The following MARCHF3 variants were observed in gnomAD, a reference collection of about 807,000 sequenced individuals.
The protein encoded by MARCHF3 is membrane associated ring-CH-type finger 3, also known as E3 ubiquitin-protein ligase MARCHF3.
In MARCHF3, 13 loss-of-function variants were observed where a neutral mutation model predicts 24.2. The observed-to-expected ratio is 0.54, with a 90% CI of 0.35 to 0.85. The LOEUF is 0.85. Among genes scored for constraint, MARCHF3 ranks in the 40% least tolerant of loss-of-function variants. The pLI, the probability that MARCHF3 is intolerant of heterozygous loss-of-function variation, is 0.01. For synonymous variants in MARCHF3, 144 were observed against 137.3 expected, an observed-to-expected ratio of 1.05 and a Z score of -0.34; for missense variants, 276 against 325.0, an observed-to-expected ratio of 0.85 and a Z score of 1.16.
intron 3 of MARCHF3, among the ~76,000 whole-genome samples, chr5:126,895,972 G>A (rs893645478): frequency 1.5e-4 from 23 of 152,234 alleles, no homozygotes; most frequent in African/African-American, 5.3e-4. Flanking sequence ...AGAATCCGTG[G>A]GTGTAGGACC....
At chr5:126,877,548 A>G (rs965552841) in intron 4 of MARCHF3, among the ~76,000 whole-genome samples, 1 of 152,236 alleles carries the variant, frequency 6.6e-6, no homozygotes, top group Non-Finnish European at 1.5e-5. Flanking sequence ...GAAAAAAGTG[A>G]TATGTAAAAA....
chr5:126,914,881 T>C (rs1378717115), intron 3 of MARCHF3, 49 bp downstream of exon 3: 2 of 1,587,204 alleles, frequency 1.3e-6, no homozygotes, highest in African/African-American at 1.4e-5. Flanking sequence ...AAAACAGACA[T>C]CATTTGCTCA....
chr5:126,940,945 C>T (rs2126809551), intron 1 of MARCHF3, among the ~76,000 whole-genome samples: 1 of 152,218 alleles, frequency 6.6e-6, no homozygotes. Flanking sequence ...GTGTTATAAA[C>T]AACCCACTTA....
At chr5:127,007,879 T>C (rs990558919) in intron 1 of MARCHF3, among the ~76,000 whole-genome samples, 14 of 152,172 alleles carry the variant, frequency 9.2e-5, no homozygotes, top group African/African-American at 2.4e-4. Context: ...TTAATACATA[T>C]AAATATATGG....
chr5:126,901,658 T>A (rs1180617827), intron 3 of MARCHF3, among the ~76,000 whole-genome samples: 1 of 152,148 alleles, frequency 6.6e-6, no homozygotes, highest in Non-Finnish European at 1.5e-5. Flanking sequence ...AAACTGAAGA[T>A]GCTTGTGGAG....
intron 2 of MARCHF3, among the ~76,000 whole-genome samples, chr5:126,915,767 A>G (rs1252417638): frequency 2.6e-5 from 4 of 152,224 alleles, no homozygotes; most frequent in Non-Finnish European, 4.4e-5. Flanking sequence ...AGGTAGCCTC[A>G]GTCTAGAGTT....
intron 1 of MARCHF3, among the ~76,000 whole-genome samples, chr5:126,954,963 T>A (rs1249431980): frequency 6.6e-6 from 1 of 152,182 alleles, no homozygotes; most frequent in African/African-American, 2.4e-5. Flanking sequence ...ATATTTTTAC[T>A]ACACATAGGC....
chr5:127,019,753 G>C (rs542095862), intron 1 of MARCHF3, among the ~76,000 whole-genome samples: 4 of 152,132 alleles, frequency 2.6e-5, no homozygotes, highest in Non-Finnish European at 5.9e-5. Flanking sequence ...CTTACTTTTC[G>C]CATGAGATAA....
At chr5:127,012,218 G>A (rs1752495762) in intron 1 of MARCHF3, among the ~76,000 whole-genome samples, 1 of 152,126 alleles carries the variant, frequency 6.6e-6, no homozygotes. Flanking sequence ...GCCATGAAAT[G>A]TTTCAAATGA....
chr5:126,955,284 T>A (rs1361354130), intron 1 of MARCHF3, among the ~76,000 whole-genome samples: 4 of 152,202 alleles, frequency 2.6e-5, no homozygotes, highest in African/African-American at 9.6e-5. Flanking sequence ...GGTCTCATCA[T>A]GACAAAAAAA....
chr5:127,023,482 G>A (rs916266635), intron 1 of MARCHF3, among the ~76,000 whole-genome samples: 1 of 152,150 alleles, frequency 6.6e-6, no homozygotes, highest in Non-Finnish European at 1.5e-5. Context: ...TGTAACCCCA[G>A]CACTTTGGGA....
chr5:126,906,214 T>G (rs527802127), intron 3 of MARCHF3, among the ~76,000 whole-genome samples: 1 of 151,732 alleles, frequency 6.6e-6, no homozygotes, highest in African/African-American at 2.4e-5. Context: ...TGGATTCGGT[T>G]TGCCAGTATT....
intron 3 of MARCHF3, among the ~76,000 whole-genome samples, chr5:126,881,411 G>GT (rs1357673824): frequency 6.6e-6 from 1 of 152,082 alleles, no homozygotes; most frequent in Non-Finnish European, 1.5e-5. Flanking sequence ...CTTGGCCATG[G>GT]TAAGAGCTAC....
At chr5:127,023,249 G>A (rs141282810) in intron 1 of MARCHF3, among the ~76,000 whole-genome samples, 163 of 152,226 alleles carry the variant, frequency 1.1e-3, no homozygotes, top group African/African-American at 3.9e-3. Context: ...TTGGTCCTGA[G>A]GAATCCATGT....
At chr5:126,942,821 C>A (rs1009740316) in intron 1 of MARCHF3, among the ~76,000 whole-genome samples, 7 of 152,190 alleles carry the variant, frequency 4.6e-5, no homozygotes, top group Non-Finnish European at 1.0e-4. Context: ...AGAAATGCCA[C>A]TTACTAAAAC....
At chr5:126,870,872 A>C in intron 4 of MARCHF3, 81 bp from the exon 5 acceptor site, 44 of 1,551,884 alleles carry the variant, frequency 2.8e-5, no homozygotes, top group Middle Eastern at 1.7e-4. Context: ...CAAATATGTC[A>C]TTTGAAAGAG....
At chr5:126,972,245 TAAAA>T (rs747060453) in intron 1 of MARCHF3, among the ~76,000 whole-genome samples, 1 of 58,682 alleles carries the variant, frequency 1.7e-5, no homozygotes. Context: ...ATTAAAGAAC[TAAAA>T]AAAAAAAAAA....
intron 1 of MARCHF3, among the ~76,000 whole-genome samples, chr5:127,012,196 G>A (rs1752495111): frequency 6.6e-6 from 1 of 152,118 alleles, no homozygotes; most frequent in South Asian, 2.1e-4. Context: ...TTTATATTTA[G>A]CACAAAATGT....
At position 126,873,441 on chromosome 5, in the gene MARCHF3, T is replaced by C. The variant is rs556587136; in HGVS notation, c.604-2650A>G. On this transcript the variant is annotated intron_variant, in intron 4 of 4. Coordinates refer to ENST00000308660, the MANE Select transcript of MARCHF3 (RefSeq NM_178450.5). ...AAAAAAAAAGAGAGACAGAGACAGA[T>C]TGGGCTATTTCCTTTAAGGCTCTGC... Among the ~76,000 whole-genome samples, 15 of 150,416 alleles carry C rather than the reference T, an allele frequency of 1.0e-4. No homozygotes were observed. The East Asian group carries it at 2.3e-3, about 23-fold the overall frequency.
Sources: allele counts gnomAD v4.1 joint callset (sites outside exome capture counted in the v4.1 genomes callset), GRCh38; gene constraint gnomAD v4.1.1; transcripts MANE v1.5; gene names NCBI Gene and HGNC (gene_info 2026-07-23, HGNC 2026-07-21).